RBFOX1: variants seen among roughly 807,000 people sequenced by gnomAD.
The protein encoded by RBFOX1 is RNA binding fox-1 homolog 1, also known as RNA binding protein fox-1 homolog 1.
Under a neutral mutation model 57.7 loss-of-function variants are expected in RBFOX1, and 8 were observed. The ratio of observed to expected loss-of-function variants is 0.14; its 90% CI spans 0.08 to 0.25. RBFOX1 has a LOEUF of 0.25. Among genes scored for constraint, RBFOX1 ranks in the 10% least tolerant of loss-of-function variants. RBFOX1 has a pLI of 1.00. For synonymous variants in RBFOX1, 326 were observed against 222.4 expected (o/e 1.47, Z -4.15); for missense variants, 611 against 548.5 (o/e 1.11, Z -1.14).
chr16:5,498,423 C>T (rs2043076302), intron 2 of RBFOX1, among the ~76,000 whole-genome samples: 2 of 152,120 alleles, frequency 1.3e-5, no homozygotes, highest in African/African-American at 2.4e-5. Context: ...GGATTACAGG[C>T]GTCTAAGAAC....
chr16:6,912,352 T>G (rs935621558), intron 3 of RBFOX1, among the ~76,000 whole-genome samples: 6 of 152,092 alleles, frequency 3.9e-5, no homozygotes, highest in African/African-American at 1.4e-4. Flanking sequence ...TCTAGCAAGT[T>G]CCCAGGTGAT....
chr16:6,748,984 A>G (rs2074361191), intron 3 of RBFOX1: 1 of 152,164 alleles, frequency 6.6e-6, no homozygotes, highest in African/African-American at 2.4e-5. Flanking sequence ...AATTGATAAA[A>G]TAAAAATATT....
intron 3 of RBFOX1, chr16:6,704,774 C>A (rs1395196750): frequency 1.3e-5 from 2 of 152,128 alleles, no homozygotes; most frequent in East Asian, 1.9e-4. Context: ...GGAGAACCTT[C>A]CCAAGAACTG....
intron 5 of RBFOX1, among the ~76,000 whole-genome samples, chr16:7,537,878 G>A (rs2081928908): frequency 6.6e-6 from 1 of 152,234 alleles, no homozygotes; most frequent in Non-Finnish European, 1.5e-5. Context: ...CATAATGCAT[G>A]AGGGGAAATC....
intron 2 of RBFOX1, among the ~76,000 whole-genome samples, chr16:5,507,539 G>T (rs993015890): frequency 3.3e-5 from 5 of 152,196 alleles, no homozygotes; most frequent in African/African-American, 9.7e-5. Flanking sequence ...GACAGCATCT[G>T]TTGTGGGTTG....
chr16:6,025,138 G>A (rs1195310235), intron 1 of RBFOX1, among the ~76,000 whole-genome samples: 2 of 152,188 alleles, frequency 1.3e-5, no homozygotes, highest in Non-Finnish European at 2.9e-5. Context: ...TGGGAAAATT[G>A]TTAGGTGTTT....
At chr16:6,433,950 C>A (rs2094167858) in intron 2 of RBFOX1, among the ~76,000 whole-genome samples, 1 of 151,064 alleles carries the variant, frequency 6.6e-6, no homozygotes, top group South Asian at 2.1e-4. Flanking sequence ...CGGGTTCAAG[C>A]AATTTCCATG....
chr16:5,673,312 G>A (rs1219205069), intron 3 of RBFOX1, among the ~76,000 whole-genome samples: 1 of 152,126 alleles, frequency 6.6e-6, no homozygotes, highest in Non-Finnish European at 1.5e-5. Context: ...CCAGGAGCCA[G>A]GCAGGAAGCA....
At chr16:6,841,450 A>T (rs1477809484) in intron 3 of RBFOX1, among the ~76,000 whole-genome samples, 20 of 152,134 alleles carry the variant, frequency 1.3e-4, no homozygotes, top group Admixed American at 1.3e-3. Flanking sequence ...TTTGCTTGTC[A>T]ATAAAACCCT....
chr16:7,485,428 C>T (rs139849438), intron 4 of RBFOX1, among the ~76,000 whole-genome samples: 4 of 152,290 alleles, frequency 2.6e-5, no homozygotes, highest in East Asian at 1.9e-4. Flanking sequence ...TAGATTAACA[C>T]GCTCAATAGG....
intron 3 of RBFOX1, among the ~76,000 whole-genome samples, chr16:6,688,258 C>G (rs116887511): frequency 0.016 from 2,383 of 152,016 alleles, 35 homozygotes; most frequent in Non-Finnish European, 0.023. Flanking sequence ...AGGTGCTACA[C>G]AATTGTAAAC....
At chr16:6,258,640 A>G (rs1337096343) in intron 1 of RBFOX1, among the ~76,000 whole-genome samples, 1 of 152,214 alleles carries the variant, frequency 6.6e-6, no homozygotes, top group Non-Finnish European at 1.5e-5. Flanking sequence ...TTGTCCTGCA[A>G]TATTTTCTGC....
intron 4 of RBFOX1, among the ~76,000 whole-genome samples, chr16:7,374,566 C>G (rs992334842): frequency 6.6e-6 from 1 of 152,080 alleles, no homozygotes; most frequent in Non-Finnish European, 1.5e-5. Flanking sequence ...TAACCCCACC[C>G]CCACATTTTT....
Position 5,401,868 on chromosome 16 carries a change from C to T in RBFOX1, c.220-65348C>T, listed in dbSNP as rs1482260996. On this transcript the variant is annotated intron_variant, in intron 1 of 2. Transcript: ENST00000585867. ...TTCTGTCTCTGTCTCTCGTCATCGT[C>T]GTCGTCATTTCTGTCTCTGTCTCTC... Among the ~76,000 whole-genome samples, 6 of 151,988 alleles carry T rather than the reference C, an allele frequency of 3.9e-5. No individual in the cohort carries two copies. The South Asian group carries it at 8.3e-4, about 21-fold the overall frequency.
chr16:6,824,950 T>TACACTG (rs2091906051), intron 3 of RBFOX1, among the ~76,000 whole-genome samples: 1 of 148,216 alleles, frequency 6.7e-6, no homozygotes, highest in African/African-American at 2.5e-5. Context: ...TGCATCCTTC[T>TACACTG]ACACTGAGGA....
intron 3 of RBFOX1, among the ~76,000 whole-genome samples, chr16:6,745,521 A>C (rs576924805): frequency 1.3e-5 from 2 of 152,344 alleles, no homozygotes; most frequent in South Asian, 4.1e-4. Flanking sequence ...TATGAAATAC[A>C]CCATATTAAC....
chr16:6,413,015 A>G (rs1280105190), intron 2 of RBFOX1, among the ~76,000 whole-genome samples: 1 of 152,218 alleles, frequency 6.6e-6, no homozygotes, highest in Non-Finnish European at 1.5e-5. Context: ...CACCAGGCTC[A>G]GCTATTTTTA....
At chr16:5,909,163 G>A (rs886978175) in intron 4 of RBFOX1, among the ~76,000 whole-genome samples, 6 of 143,552 alleles carry the variant, frequency 4.2e-5, no homozygotes, top group Non-Finnish European at 9.0e-5. Flanking sequence ...TGCGGTCTGG[G>A]CTCACTGCAA....
chr16:6,643,471 C>G (rs556979397), intron 2 of RBFOX1, among the ~76,000 whole-genome samples: 2 of 152,226 alleles, frequency 1.3e-5, no homozygotes, highest in South Asian at 4.1e-4. Context: ...TAAGTGAACA[C>G]AGACTCTGAA....
Sources: allele counts gnomAD v4.1 joint callset (sites outside exome capture counted in the v4.1 genomes callset), GRCh38; gene constraint gnomAD v4.1.1; transcripts MANE v1.5; gene names NCBI Gene and HGNC (gene_info 2026-07-23, HGNC 2026-07-21).